GPM6B: variants seen among roughly 807,000 people sequenced by gnomAD.
The protein encoded by GPM6B is glycoprotein M6B, also known as neuronal membrane glycoprotein M6-b.
GPM6B carries 4 observed loss-of-function variants against 27.2 expected under a neutral mutation model. The observed-to-expected ratio is 0.15, with a 90% CI of 0.07 to 0.34. GPM6B has a LOEUF of 0.34. Among genes scored for constraint, GPM6B ranks in the 10% least tolerant of loss-of-function variants. The pLI, the probability that GPM6B is intolerant of heterozygous loss-of-function variation, is 1.00. For missense variants in GPM6B, 183 were observed against 261.9 expected, an observed-to-expected ratio of 0.70 and a Z score of 2.08; for synonymous variants, 124 against 103.1, an observed-to-expected ratio of 1.20 and a Z score of -1.23.
intron 2 of GPM6B, among the ~76,000 whole-genome samples, chrX:13,799,981 G>T: frequency 8.9e-6 from 1 of 111,819 alleles, no homozygotes. Flanking sequence ...AATGTGGGCT[G>T]GACCTAGTAG....
chrX:13,828,640 T>C (rs980862896), intron 1 of GPM6B, among the ~76,000 whole-genome samples: 4 of 111,554 alleles, frequency 3.6e-5, no homozygotes, highest in Admixed American at 1.9e-4. Flanking sequence ...TTTGTTTTTA[T>C]TTGCTACAGG....
At chrX:13,927,942 A>C (rs1191026588) in intron 1 of GPM6B, among the ~76,000 whole-genome samples, 1 of 112,207 alleles carries the variant, frequency 8.9e-6, no homozygotes, top group Non-Finnish European at 1.9e-5. Context: ...CTTAAAATAG[A>C]GGGTAGGAAC....
At chrX:13,930,396 C>G (rs7066971) in intron 1 of GPM6B, among the ~76,000 whole-genome samples, 24 of 110,273 alleles carry the variant, frequency 2.2e-4, no homozygotes, top group Admixed American at 9.6e-5. Context: ...GGGCAGATCA[C>G]GAGGTCAGGA....
At chrX:13,938,002 A>C (rs1464647493) in intron 1 of GPM6B, among the ~76,000 whole-genome samples, 1 of 111,247 alleles carries the variant, frequency 9.0e-6, no homozygotes, top group East Asian at 2.8e-4. Flanking sequence ...TTTCGAAATG[A>C]GCTCCCGGAA....
At position 13,776,244 on chromosome X, in the gene GPM6B, A is replaced by G. The variant is rs36099093; in HGVS notation, c.831T>C (p.Ile277=). The change falls in exon 7 of 8, where the codon ATT becomes ATC. Residue 277 remains isoleucine, a synonymous_variant. Coordinates refer to ENST00000316715, the MANE Select transcript of GPM6B (RefSeq NM_001001995.3). ...VACAGAGATV[I]ALIHFLMILS... ...TCTTGGGGCCATTACTCACCAGGGC[A>G]ATGACGGTGGCACCAGCTCCTGCAC... The G allele has an allele frequency of 3.7e-3, 4,482 of 1,206,763 alleles. 107 individuals carry two copies. In the African/African-American group the frequency reaches 0.067, roughly 18 times the overall value.
At chrX:13,934,555 T>C (rs1921733737) in intron 1 of GPM6B, among the ~76,000 whole-genome samples, 1 of 111,772 alleles carries the variant, frequency 8.9e-6, no homozygotes, top group Non-Finnish European at 1.9e-5. Flanking sequence ...ACCAGTTCCC[T>C]TGGAGAAGAG....
intron 2 of GPM6B, among the ~76,000 whole-genome samples, chrX:13,804,727 A>G (rs2048990659): frequency 9.3e-6 from 1 of 107,994 alleles, no homozygotes; most frequent in Non-Finnish European, 1.9e-5. Context: ...TTTGGCAAAA[A>G]TTTCCTGGTC....
intron 1 of GPM6B, among the ~76,000 whole-genome samples, chrX:13,857,871 G>GT (rs1292135625): frequency 8.9e-6 from 1 of 112,608 alleles, no homozygotes; most frequent in Non-Finnish European, 1.9e-5. Context: ...AGTAAGCAAG[G>GT]TTTTGTATTG....
chrX:13,785,871 A>C (rs2048603910), intron 2 of GPM6B, 63 bp from the exon 3 acceptor site: 4 of 911,940 alleles, frequency 4.4e-6, no homozygotes, highest in Non-Finnish European at 4.6e-6. Flanking sequence ...CTTCAAGAAT[A>C]CCCCATATTC....
At chrX:13,779,378 T>A (rs1296117389) in intron 5 of GPM6B, among the ~76,000 whole-genome samples, 1 of 112,481 alleles carries the variant, frequency 8.9e-6, no homozygotes, top group Non-Finnish European at 1.9e-5. Context: ...AAGCAGTTGG[T>A]CATTTTAAAA....
chrX:13,874,948 C>A (rs756561009), intron 1 of GPM6B, among the ~76,000 whole-genome samples: 1 of 94,785 alleles, frequency 1.1e-5, no homozygotes, highest in African/African-American at 4.0e-5. Flanking sequence ...CCCCCCCCCA[C>A]CCCCGCTTCA....
intron 1 of GPM6B, among the ~76,000 whole-genome samples, chrX:13,921,631 C>T: frequency 9.7e-6 from 1 of 103,032 alleles, no homozygotes; most frequent in Non-Finnish European, 2.0e-5. Flanking sequence ...GCTGGAGTGC[C>T]GTGGCGCAAT....
chrX:13,879,071 T>C (rs1214301040), intron 1 of GPM6B, among the ~76,000 whole-genome samples: 1 of 112,026 alleles, frequency 8.9e-6, no homozygotes, highest in Non-Finnish European at 1.9e-5. Context: ...ACTAAATTTG[T>C]GGTAGTGTCT....
chrX:13,916,120 T>C (rs2147062501), intron 1 of GPM6B, among the ~76,000 whole-genome samples: 1 of 111,706 alleles, frequency 9.0e-6, no homozygotes. Flanking sequence ...GCCTGCCTCA[T>C]GAGGCTAGAG....
Position 13,771,382 on chromosome X carries a change from TAATTTA to T in GPM6B, c.*1493_*1498del, listed in dbSNP as rs2048295302. Reference sequence around the variant, plus strand: ...GTTCTACACAGAAGAGAGCTTCTCTTAATTTAAAAAAAAAAAAAAATCCCAAATAGG... The same window carrying T: ...GTTCTACACAGAAGAGAGCTTCTCTTAAAAAAAAAAAAAATCCCAAATAGG... On this transcript the variant is annotated 3_prime_UTR_variant, in exon 8 of 8. Transcript: ENST00000316715. 2 of 91,137 alleles carry T rather than the reference TAATTTA, an allele frequency of 2.2e-5. No individual in the cohort carries two copies. The highest frequency in any genetic ancestry group is 2.7e-4 in the Admixed American group (2 of 7,302). The allele number at this position is 91,137 out of a possible 1,213,427, so 7.5% of individuals were successfully genotyped here.
In GPM6B at chrX:13,847,274, A is replaced by T. The variant is rs188385803; in HGVS notation, c.-197-61466T>A. Among the ~76,000 whole-genome samples the T allele has an allele frequency of 3.3e-3, 366 of 111,753 alleles. 1 individual carries two copies. Among genetic ancestry groups the T allele is most frequent in the African/African-American group, 0.011 (353 of 30,805 alleles). On this transcript the variant is annotated intron_variant, in intron 1 of 6. Transcript: ENST00000398361. ...TAAGAGGGAAACATGGCAATTTTTT[A>T]AAAAATCCAAACAACTTTTAATTAT... is the stretch of plus-strand genomic sequence containing the variant.
chrX:13,791,244 T>C (rs1244713563), intron 2 of GPM6B, among the ~76,000 whole-genome samples: 1 of 109,277 alleles, frequency 9.2e-6, no homozygotes, highest in Non-Finnish European at 1.9e-5. Flanking sequence ...AGAGTCTCAC[T>C]CTATTGCCCA....
chrX:13,899,489 G>A (rs2050263927), intron 1 of GPM6B, among the ~76,000 whole-genome samples: 1 of 109,195 alleles, frequency 9.2e-6, no homozygotes, highest in Non-Finnish European at 1.9e-5. Flanking sequence ...CAGGTTGTGG[G>A]GTGATAAAAA....
chrX:13,910,176 A>G (rs1043746621), intron 1 of GPM6B, among the ~76,000 whole-genome samples: 2 of 112,306 alleles, frequency 1.8e-5, no homozygotes, highest in African/African-American at 6.5e-5. Context: ...CCATATTTCA[A>G]AAAGTATCCT....
Sources: gnomAD v4.1 joint callset for allele counts (sites outside exome capture counted in the v4.1 genomes callset) on GRCh38, gnomAD v4.1.1 for gene constraint, MANE v1.5 for transcripts, NCBI Gene and HGNC (gene_info 2026-07-23, HGNC 2026-07-21) for gene names.